Variants in MAGI3 observed in about 807,000 individuals in gnomAD.
MAGI3 encodes the protein membrane associated guanylate kinase, WW and PDZ domain containing 3.
A neutral mutation model predicts 121.8 loss-of-function variants in MAGI3; 43 were observed. The observed-to-expected ratio is 0.35, with a 90% CI of 0.28 to 0.46. MAGI3 has a LOEUF of 0.46. MAGI3 is among the 20% of genes least tolerant of loss of function. The pLI, the probability that MAGI3 is intolerant of heterozygous loss-of-function variation, is 1.00. For missense variants in MAGI3, 1,547 were observed against 1,797.3 expected (o/e 0.86, Z 2.52); for synonymous variants, 553 against 639.3 (o/e 0.86, Z 2.04).
At chr1:113,669,814 G>GCCA (rs1647426581) in intron 16 of MAGI3, among the ~76,000 whole-genome samples, 1 of 152,122 alleles carries the variant, frequency 6.6e-6, no homozygotes, top group South Asian at 2.1e-4. Context: ...ACAGGCATGA[G>GCCA]CCACCGCGCC....
At chr1:113,548,703 G>T (rs1424192330) in intron 1 of MAGI3, among the ~76,000 whole-genome samples, 4 of 152,130 alleles carry the variant, frequency 2.6e-5, no homozygotes, top group Admixed American at 6.5e-5. Flanking sequence ...TATCTGAGGG[G>T]ACCCTAAACA....
chr1:113,561,450 G>C (rs1397117873), intron 2 of MAGI3, among the ~76,000 whole-genome samples: 1 of 152,160 alleles, frequency 6.6e-6, no homozygotes. Context: ...AGGATGCAAG[G>C]CTGGTTCAAC....
At chr1:113,436,905 C>T (rs1653594192) in intron 1 of MAGI3, among the ~76,000 whole-genome samples, 1 of 150,616 alleles carries the variant, frequency 6.6e-6, no homozygotes, top group Non-Finnish European at 1.5e-5. Context: ...ACCTCTGCCT[C>T]CCAGGTTCAG....
chr1:113,646,143 A>C (rs1250196057), intron 11 of MAGI3, among the ~76,000 whole-genome samples: 1 of 151,792 alleles, frequency 6.6e-6, no homozygotes. Context: ...CTCTTACTTT[A>C]CTTAGAAGTG....
At chr1:113,521,151 A>G (rs2101626501) in intron 1 of MAGI3, among the ~76,000 whole-genome samples, 1 of 151,012 alleles carries the variant, frequency 6.6e-6, no homozygotes, top group South Asian at 2.1e-4. Context: ...CAGTGGCTCA[A>G]TCTCGGCTCA....
intron 2 of MAGI3, among the ~76,000 whole-genome samples, chr1:113,566,118 C>T (rs549332681): frequency 7.9e-5 from 12 of 152,178 alleles, no homozygotes; most frequent in South Asian, 6.2e-4. Flanking sequence ...ATAAATCAAC[C>T]GCAGCTCTCA....
At chr1:113,557,541 C>T (rs570472926) in intron 2 of MAGI3, among the ~76,000 whole-genome samples, 3 of 152,230 alleles carry the variant, frequency 2.0e-5, no homozygotes, top group African/African-American at 7.2e-5. Context: ...AGCCACCACC[C>T]ATGTTCTATG....
intron 1 of MAGI3, among the ~76,000 whole-genome samples, chr1:113,476,128 T>C (rs1010756762): frequency 6.6e-6 from 1 of 152,168 alleles, no homozygotes; most frequent in Non-Finnish European, 1.5e-5. Flanking sequence ...TTTATTAGTC[T>C]TGCTAGCAGT....
chr1:113,629,527 T>A (rs919623416), intron 9 of MAGI3, among the ~76,000 whole-genome samples: 4 of 152,190 alleles, frequency 2.6e-5, no homozygotes, highest in Non-Finnish European at 5.9e-5. Context: ...AGGCATTTAT[T>A]GTAGTTTTTG....
intron 5 of MAGI3, among the ~76,000 whole-genome samples, chr1:113,593,580 A>T (rs962149223): frequency 6.6e-6 from 1 of 152,134 alleles, no homozygotes; most frequent in African/African-American, 2.4e-5. Context: ...ACTTTAATTT[A>T]CATTTTATTC....
chr1:113,416,049 T>TAATGACACATATTAATTATGTAATG (rs1424084958), intron 1 of MAGI3, among the ~76,000 whole-genome samples: 16 of 141,176 alleles, frequency 1.1e-4, no homozygotes, highest in South Asian at 6.5e-4. Flanking sequence ...ATTATGTAAT[T>TAATGACACATATTAATTATGTAATG]AATGACACAT....
chr1:113,682,160 ATT>A (rs11438160), intron 20 of MAGI3: 2,568 of 1,395,514 alleles, frequency 1.8e-3, no homozygotes, highest in East Asian at 5.7e-3. Context: ...AACTGCACTG[ATT>A]TTTTTTTTTT....
intron 1 of MAGI3, among the ~76,000 whole-genome samples, chr1:113,442,187 A>T (rs764700964): frequency 8.5e-5 from 13 of 152,142 alleles, no homozygotes; most frequent in Non-Finnish European, 1.8e-4. Flanking sequence ...TATTTGAGAG[A>T]GAGCATATAT....
chr1:113,638,740 G>A (rs1489453370), intron 9 of MAGI3, among the ~76,000 whole-genome samples: 1 of 69,034 alleles, frequency 1.4e-5, no homozygotes, highest in Non-Finnish European at 3.5e-5. Flanking sequence ...TGCGTGCTAG[G>A]AGAACCACTG....
intron 1 of MAGI3, among the ~76,000 whole-genome samples, chr1:113,459,231 T>C (rs898489234): frequency 2.6e-5 from 4 of 152,194 alleles, no homozygotes; most frequent in Admixed American, 1.3e-4. Flanking sequence ...GTATTTTTGT[T>C]TTTTAGATTT....
At chr1:113,657,422 G>T (rs1225386611) in intron 15 of MAGI3, among the ~76,000 whole-genome samples, 1 of 152,188 alleles carries the variant, frequency 6.6e-6, no homozygotes. Flanking sequence ...CCTTTAGGAA[G>T]TTGTATACCA....
chr1:113,463,758 G>T (rs917391979), intron 1 of MAGI3, among the ~76,000 whole-genome samples: 1 of 151,982 alleles, frequency 6.6e-6, no homozygotes, highest in Non-Finnish European at 1.5e-5. Context: ...TGGAATTGGG[G>T]ATGTCAATCA....
intron 4 of MAGI3, among the ~76,000 whole-genome samples, chr1:113,589,212 G>A (rs955697469): frequency 3.3e-5 from 5 of 152,040 alleles, no homozygotes; most frequent in African/African-American, 1.2e-4. Context: ...CAAATGAGAT[G>A]AGGGATAAGG....
intron 6 of MAGI3, among the ~76,000 whole-genome samples, chr1:113,610,728 G>C (rs899322679): frequency 2.6e-5 from 4 of 151,998 alleles, no homozygotes; most frequent in Admixed American, 2.6e-4. Flanking sequence ...ACGAGGTCAG[G>C]AGACCAAGAC....
Sources: gnomAD v4.1 joint callset for allele counts (sites outside exome capture counted in the v4.1 genomes callset) on GRCh38, gnomAD v4.1.1 for gene constraint, MANE v1.5 for transcripts, NCBI Gene and HGNC (gene_info 2026-07-23, HGNC 2026-07-21) for gene names.